The following KIAA1217 variants were observed in gnomAD, a reference collection of about 807,000 sequenced individuals.
KIAA1217 encodes the protein KIAA1217.
A neutral mutation model predicts 163.9 loss-of-function variants in KIAA1217; 88 were observed. The observed-to-expected ratio is 0.54, with a 90% confidence interval of 0.45 to 0.64. KIAA1217 has a LOEUF of 0.64. Ranked by LOEUF, KIAA1217 falls within the 30% of genes least tolerant of loss-of-function variation. KIAA1217 has a pLI of 0.00. For missense variants in KIAA1217, 2,372 were observed against 2,475.0 expected (o/e 0.96, Z 0.88); for synonymous variants, 903 against 923.1 (o/e 0.98, Z 0.39).
At chr10:23,839,507 A>C (rs1822721744) in intron 1 of KIAA1217, among the ~76,000 whole-genome samples, 1 of 152,012 alleles carries the variant, frequency 6.6e-6, no homozygotes, top group South Asian at 2.1e-4. Flanking sequence ...CACTGTTAGA[A>C]TTTCTCTCCC....
At chr10:24,337,666 ACGAGTCTCATACTGT>A (rs1333990883) in intron 2 of KIAA1217, among the ~76,000 whole-genome samples, 1 of 94,548 alleles carries the variant, frequency 1.1e-5, no homozygotes, top group Non-Finnish European at 2.0e-5. Context: ...TTTTTTTGAG[ACGAGTCTCATACTGT>A]CGCCCAGGCT....
intron 1 of KIAA1217, among the ~76,000 whole-genome samples, chr10:23,853,123 T>C (rs923509788): frequency 7.2e-5 from 11 of 152,244 alleles, no homozygotes; most frequent in Admixed American, 2.6e-4. Flanking sequence ...CACTTTTTGC[T>C]CATTCAGTAT....
chr10:24,360,437 C>G (rs2049812351), intron 2 of KIAA1217, among the ~76,000 whole-genome samples: 1 of 152,128 alleles, frequency 6.6e-6, no homozygotes, highest in African/African-American at 2.4e-5. Flanking sequence ...TCAGTGGTAA[C>G]TTTATGAAAT....
chr10:23,868,253 C>G (rs1840290091), intron 1 of KIAA1217, among the ~76,000 whole-genome samples: 1 of 152,058 alleles, frequency 6.6e-6, no homozygotes, highest in African/African-American at 2.4e-5. Flanking sequence ...GTTTTCTTTG[C>G]TTCCAGGAAA....
chr10:23,805,121 C>G (rs1836671178), intron 1 of KIAA1217, among the ~76,000 whole-genome samples: 1 of 152,050 alleles, frequency 6.6e-6, no homozygotes, highest in Non-Finnish European at 1.5e-5. Flanking sequence ...AGGTGAAATA[C>G]TAAAGACAGA....
chr10:24,318,216 GGATA>G (rs1332392222), intron 2 of KIAA1217, among the ~76,000 whole-genome samples: 16 of 143,474 alleles, frequency 1.1e-4, no homozygotes, highest in East Asian at 5.8e-4. Flanking sequence ...ATAGATAGAT[GGATA>G]GATAGATAGA....
intron 2 of KIAA1217, among the ~76,000 whole-genome samples, chr10:24,271,362 C>A (rs913240701): frequency 6.6e-6 from 1 of 152,156 alleles, no homozygotes; most frequent in Non-Finnish European, 1.5e-5. Flanking sequence ...AACATGCTAT[C>A]TGAATCTTGA....
intron 1 of KIAA1217, among the ~76,000 whole-genome samples, chr10:23,763,980 T>G (rs2130863427): frequency 6.6e-6 from 1 of 152,060 alleles, no homozygotes; most frequent in Admixed American, 6.5e-5. Flanking sequence ...ACTAAAGAGC[T>G]TCTGCACAGC....
At chr10:24,457,446 T>G (rs2061924014) in intron 5 of KIAA1217, among the ~76,000 whole-genome samples, 1 of 152,102 alleles carries the variant, frequency 6.6e-6, no homozygotes, top group Admixed American at 6.5e-5. Context: ...TAATCATAGC[T>G]GGAGTGCAGT....
At position 24,286,131 on chromosome 10, in the gene KIAA1217, A is replaced by G. The variant is rs79066820; in HGVS notation, c.354+66222A>G. Among the ~76,000 whole-genome samples, 1,444 of 152,196 alleles carry G rather than the reference A, an allele frequency of 9.5e-3. 28 individuals carry two copies. The highest frequency in any genetic ancestry group is 0.084 in the East Asian group (434 of 5,182). ...TTTTGGCAAAGTCTAGGTTTTTCTA[A>G]GTGTAGAATTGTGTATCTTTTCATA... On this transcript the variant is annotated intron_variant, in intron 2 of 20. Coordinates refer to ENST00000376454, the MANE Select transcript of KIAA1217 (RefSeq NM_019590.5).
rs2069319823 is a variant in KIAA1217, at chr10:24,219,671, A to G, written c.116A>G (p.Glu39Gly). ...NLHVTSPEDA[E>G]CRRTKERLSN... ...CATGTAACATCACCAGAAGATGCAG[A>G]ATGCCGCAGAACCAAGGAACGCCTT... Residue 39 changes from glutamate (E) to glycine (G), a missense_variant, in exon 2 of 21, where the codon GAA becomes GGA. Physicochemically the swap from Glu to Gly is moderately conservative, Grantham distance 98. This residue lies in a region of KIAA1217 where 1,431 missense variants were observed against 1,470.3 expected (regional missense o/e 0.97). Transcript: ENST00000376454. 1.2e-6 allele frequency: 2 copies of G among 1,612,780 alleles called. No homozygotes were observed. The highest frequency in any genetic ancestry group is 4.5e-5 in the East Asian group (2 of 44,860).
chr10:24,171,109 C>T (rs780738088), intron 2 of KIAA1217, among the ~76,000 whole-genome samples: 1 of 152,224 alleles, frequency 6.6e-6, no homozygotes, highest in Non-Finnish European at 1.5e-5. Flanking sequence ...AGGCATCAAG[C>T]ACTTCATTCA....
intron 2 of KIAA1217, among the ~76,000 whole-genome samples, chr10:24,113,216 C>T (rs1392349182): frequency 6.6e-6 from 1 of 152,164 alleles, no homozygotes; most frequent in Non-Finnish European, 1.5e-5. Flanking sequence ...AGACTGTAGA[C>T]ATCTAGGTCC....
At chr10:23,915,878 G>C (rs1419092811) in intron 1 of KIAA1217, among the ~76,000 whole-genome samples, 1 of 152,118 alleles carries the variant, frequency 6.6e-6, no homozygotes, top group Non-Finnish European at 1.5e-5. Context: ...CTCTGTCAAG[G>C]AGAAGGTCCT....
chr10:23,730,144 G>C (rs1838395827), intron 1 of KIAA1217, among the ~76,000 whole-genome samples: 1 of 151,936 alleles, frequency 6.6e-6, no homozygotes, highest in African/African-American at 2.4e-5. Context: ...CTCGTGATCT[G>C]CCCGCCTCGG....
intron 1 of KIAA1217, among the ~76,000 whole-genome samples, chr10:23,841,827 CTTTATTTTATTTTA>C (rs1838800571): frequency 7.5e-6 from 1 of 133,492 alleles, no homozygotes; most frequent in African/African-American, 2.9e-5. Flanking sequence ...ACCATTGGGA[CTTTATTTTATTTTA>C]TTTTATTTTA....
intron 2 of KIAA1217, among the ~76,000 whole-genome samples, chr10:24,362,001 A>AAAAG (rs1564539075): frequency 8.0e-6 from 1 of 124,680 alleles, no homozygotes; most frequent in Admixed American, 7.7e-5. Flanking sequence ...AAAAAAAAAA[A>AAAAG]AAAGAAAGAA....
At chr10:24,331,447 G>C (rs2045655914) in intron 2 of KIAA1217, among the ~76,000 whole-genome samples, 1 of 152,246 alleles carries the variant, frequency 6.6e-6, no homozygotes, top group African/African-American at 2.4e-5. Flanking sequence ...AGAGGAAGCA[G>C]CTATCAATGC....
intron 1 of KIAA1217, among the ~76,000 whole-genome samples, chr10:24,211,361 CTTTTTTT>C (rs1201397959): frequency 1.7e-4 from 10 of 60,208 alleles, no homozygotes; most frequent in African/African-American, 5.9e-4. Context: ...GGTGGGACTA[CTTTTTTT>C]TTTTTTTTTT....
Sources: allele counts gnomAD v4.1 joint callset (sites outside exome capture counted in the v4.1 genomes callset), GRCh38; gene constraint gnomAD v4.1.1; regional missense constraint gnomAD v4.1.1; transcripts MANE v1.5; gene names NCBI Gene and HGNC (gene_info 2026-07-23, HGNC 2026-07-21).